Variants in ABHD16A observed in about 807,000 individuals in gnomAD.
The protein encoded by ABHD16A is phosphatidylserine lipase ABHD16A.
A neutral mutation model predicts 89.8 loss-of-function variants in ABHD16A; 47 were observed. That is an observed-to-expected ratio of 0.52 (90% CI 0.41 to 0.67). The LOEUF is 0.67. Ranked by LOEUF, ABHD16A falls within the 30% of genes least tolerant of loss-of-function variation. The pLI is 0.00. For missense variants in ABHD16A, 580 were observed against 734.6 expected (o/e 0.79, Z 2.43); for synonymous variants, 251 against 280.4 (o/e 0.90, Z 1.05).
At chr6:31,692,134 T>C (rs1803947206) in intron 7 of ABHD16A, 5 of 528,930 alleles carry the variant, frequency 9.5e-6, no homozygotes, top group African/African-American at 5.6e-5. Context: ...ACATTTTATA[T>C]TGTGGCTCAG....
chr6:31,689,467 C>G, intron 12 of ABHD16A, 114 bp downstream of exon 12: 4 of 1,355,564 alleles, frequency 3.0e-6, no homozygotes, highest in South Asian at 1.6e-5. Context: ...AGAGATTCTA[C>G]TTCCTCTCTC....
rs760439145 is a variant in ABHD16A at position 31,697,036 on chromosome 6, G to A, written c.344-3C>T. On this transcript the variant is annotated splice_polypyrimidine_tract_variant and splice_region_variant and intron_variant, in intron 4 of 19. Transcript: ENST00000395952. ...GGGGTTGGTCCAGCGGCCAATGCCT[G>A]GTAGAAAAAGGACAGGAAACAGTGC... The A allele has an allele frequency of 6.2e-7, 1 of 1,611,838 alleles. No homozygotes were observed. Among genetic ancestry groups the A allele is most frequent in the Non-Finnish European group, 8.5e-7 (1 of 1,178,956 alleles).
Position 31,688,325 on chromosome 6 carries a change from G to A in ABHD16A, c.1251-20C>T. 6.2e-7 allele frequency: 1 copy of A among 1,613,094 alleles called. No individual in the cohort carries two copies. The highest frequency in any genetic ancestry group is 1.1e-5 in the South Asian group (1 of 91,064). ...TGGTATCTTCAGAGAACAGAGCAGT[G>A]GGAAGGGAGAGCTCAGAGGGAGACG... On this transcript the variant is annotated intron_variant, in intron 14 of 19. Transcript: ENST00000395952. The surrounding 1 kb of genome is among the most constrained non-coding windows in gnomAD (Gnocchi z 4.9).
In ABHD16A at chr6:31,688,973, C is replaced by T. The variant is rs1403453567; in HGVS notation, c.1186+42G>A. On this transcript the variant is annotated intron_variant, in intron 13 of 19. Transcript: ENST00000395952. The surrounding 1 kb of genome is among the most constrained non-coding windows in gnomAD (Gnocchi z 4.9). ...TCTCAGAACAGTTCCCAGTTCCAGCCCACCCCTTCCCAGGAAGGGCAGGCC... is the reference window on the plus strand; with the variant it reads ...TCTCAGAACAGTTCCCAGTTCCAGCTCACCCCTTCCCAGGAAGGGCAGGCC... 1.3e-6 allele frequency: 2 copies of T among 1,578,416 alleles called. No homozygotes were observed. Among genetic ancestry groups the T allele is most frequent in the Non-Finnish European group, 1.7e-6 (2 of 1,155,452 alleles).
chr6:31,703,109 G>C, intron 1 of ABHD16A, 41 bp downstream of exon 1: 1 of 1,412,198 alleles, frequency 7.1e-7, no homozygotes, highest in East Asian at 2.7e-5. Context: ...TAAAGGGTTT[G>C]GACTGTACCA....
At chr6:31,696,367 T>C (rs1195327033) in intron 5 of ABHD16A, among the ~76,000 whole-genome samples, 1 of 149,328 alleles carries the variant, frequency 6.7e-6, no homozygotes, top group African/African-American at 2.5e-5. Flanking sequence ...GAGTGGTGGC[T>C]CACGCCTGTA....
intron 1 of ABHD16A, 97 bp downstream of exon 1, chr6:31,703,053 C>T: frequency 1.5e-6 from 2 of 1,370,876 alleles, no homozygotes; most frequent in South Asian, 2.1e-5. Context: ...GACAAGCAGG[C>T]TCCCCTTATT....
At chr6:31,695,690 G>A (rs891449043) in intron 5 of ABHD16A, among the ~76,000 whole-genome samples, 18 of 150,340 alleles carry the variant, frequency 1.2e-4, no homozygotes, top group Admixed American at 2.0e-4. Flanking sequence ...GCCATTGCAC[G>A]CCAGCCTGGG....
At position 31,688,262 on chromosome 6, in the gene ABHD16A, T is replaced by A; in HGVS notation, c.1294A>T (p.Ile432Phe). 2 of 1,614,068 alleles carry A rather than the reference T, an allele frequency of 1.2e-6. No homozygotes were observed. The highest frequency in any genetic ancestry group is 1.1e-5 in the South Asian group (1 of 91,074). The change falls in exon 15 of 20, where the codon ATC (isoleucine) becomes TTC (phenylalanine). Residue 432 changes from isoleucine to phenylalanine, a missense_variant. By Grantham distance (21) the Ile-to-Phe change is conservative. Coordinates refer to ENST00000395952, the MANE Select transcript of ABHD16A (RefSeq NM_021160.3). The surrounding 1 kb of genome is among the most constrained non-coding windows in gnomAD (Gnocchi z 4.9). ...CCACGCACTCACGTGGTGGTGATGA[T>A]CTCATCCTTGGTTCTCCGGATCAGC... ...VLLIRRTKDEIITTTVPEDIM... is the reference protein window; with the variant it reads ...VLLIRRTKDEFITTTVPEDIM...
At chr6:31,694,989 T>G (rs1238016466) in intron 5 of ABHD16A, among the ~76,000 whole-genome samples, 1 of 152,128 alleles carries the variant, frequency 6.6e-6, no homozygotes, top group Non-Finnish European at 1.5e-5. Context: ...TTTCTCACAT[T>G]TACAAATAAA....
intron 5 of ABHD16A, among the ~76,000 whole-genome samples, chr6:31,696,000 CTAAAAA>C (rs1303855781): frequency 2.0e-5 from 3 of 151,578 alleles, no homozygotes; most frequent in Admixed American, 6.6e-5. Flanking sequence ...CCCGTCTCTA[CTAAAAA>C]TAAAAAAATT....
intron 4 of ABHD16A, among the ~76,000 whole-genome samples, chr6:31,699,017 C>G (rs1194633350): frequency 6.6e-6 from 1 of 152,130 alleles, no homozygotes; most frequent in Non-Finnish European, 1.5e-5. Flanking sequence ...GTGACTATCA[C>G]CTAGGTCAAC....
intron 7 of ABHD16A, 99 bp downstream of exon 7, chr6:31,692,927 CA>C: frequency 1.3e-6 from 2 of 1,509,802 alleles, no homozygotes; most frequent in Non-Finnish European, 1.8e-6. Context: ...GCACTAGGCC[CA>C]ATGAGTGACA....
At chr6:31,702,621 C>T (rs1189876972) in intron 1 of ABHD16A, 4 of 1,489,812 alleles carry the variant, frequency 2.7e-6, no homozygotes, top group Non-Finnish European at 3.6e-6. Context: ...CCACCACCCG[C>T]CAGCTCTCCA....
chr6:31,693,656 C>G lies in ABHD16A; in HGVS notation c.430-224G>C, dbSNP rs1000958518. 1.7e-4 allele frequency among the ~76,000 whole-genome samples: 26 copies of G among 152,208 alleles called. No individual in the cohort carries two copies. Among genetic ancestry groups the G allele is most frequent in the African/African-American group, 4.6e-4 (19 of 41,442 alleles). ...AGGTATCAGGACTGGCCTGTCTGCC[C>G]TCTTCCAAGCTAAGAACCTAACACT... is the stretch of plus-strand genomic sequence containing the variant. On this transcript the variant is annotated intron_variant, in intron 5 of 19. Transcript: ENST00000395952. This position sits in a 1 kb window ranked among gnomAD's most constrained non-coding sequence, Gnocchi z 5.0.
At position 31,690,522 on chromosome 6, in the gene ABHD16A, C is replaced by G; in HGVS notation, c.907+17G>C. On this transcript the variant is annotated intron_variant, in intron 10 of 19. Transcript: ENST00000395952. This position sits in a 1 kb window ranked among gnomAD's most constrained non-coding sequence, Gnocchi z 4.1. ...CTTTCAAAGGGCGGAGATAAGGAGG[C>G]TGAGTCACCGTCCTACCTTCCAGGG... is the stretch of plus-strand genomic sequence containing the variant. The G allele has an allele frequency of 6.2e-7, 1 of 1,612,732 alleles. No individual in the cohort carries two copies. The highest frequency in any genetic ancestry group is 8.5e-7 in the Non-Finnish European group (1 of 1,179,736).
Position 31,701,322 on chromosome 6 carries a change from T to G in ABHD16A, c.208A>C (p.Ile70Leu). Residue 70 changes from isoleucine (I) to leucine (L), a missense_variant, in exon 3 of 20, where the codon ATC becomes CTC. Around this residue, in one of 2 missense-constraint regions of ABHD16A, gnomAD observed 165 missense variants for 165.8 expected, o/e 1.00. Transcript: ENST00000395952. ...ILALASVFWS[I>L]SYYSSPFAFF... is the part of the protein sequence containing the mutation. ...GCGAAGGGAGAGGAGTAATAAGAGA[T>G]GGACCAGAATACTGAAGCCTGCAGC... 6.2e-7 allele frequency: 1 copy of G among 1,613,288 alleles called. No individual in the cohort carries two copies. Among genetic ancestry groups the G allele is most frequent in the Non-Finnish European group, 8.5e-7 (1 of 1,179,618 alleles).
intron 1 of ABHD16A, chr6:31,702,898 G>A (rs766711679): frequency 1.4e-4 from 188 of 1,309,172 alleles, no homozygotes; most frequent in Non-Finnish European, 1.6e-4. Context: ...ACACAGGGTC[G>A]GGGGGACGCG....
rs545892145 is a variant in ABHD16A at position 31,690,457 on chromosome 6, C to G, written c.907+82G>C. On this transcript the variant is annotated intron_variant, in intron 10 of 19. Transcript: ENST00000395952. This position sits in a 1 kb window ranked among gnomAD's most constrained non-coding sequence, Gnocchi z 4.1. ...AAACCTCACCCAGAGAAAGCAGAGG[C>G]CAGGGGAGGTCAGGTCAGTGTGGGA... The G allele has an allele frequency of 1.3e-4, 196 of 1,457,924 alleles. No individual in the cohort carries two copies. Among genetic ancestry groups the G allele is most frequent in the Non-Finnish European group, 1.7e-4 (179 of 1,039,688 alleles). The allele number at this position is 1,457,924 out of a possible 1,614,324, so 90.3% of individuals were successfully genotyped here. A position where few individuals can be genotyped will look rare whatever the true frequency, so the allele number is the denominator to read the frequency against.
Sources: allele counts gnomAD v4.1 joint callset (sites outside exome capture counted in the v4.1 genomes callset), GRCh38; gene constraint gnomAD v4.1.1; regional missense constraint gnomAD v4.1.1; non-coding constraint Gnocchi (gnomAD v3.1); transcripts MANE v1.5; gene names NCBI Gene and HGNC (gene_info 2026-07-23, HGNC 2026-07-21).